LAMA2: variants seen among roughly 807,000 people sequenced by gnomAD.
LAMA2 encodes laminin subunit alpha-2.
In LAMA2, 269 loss-of-function variants were observed where a neutral mutation model predicts 364.8. The observed-to-expected ratio is 0.74, with a 90% CI of 0.67 to 0.82. The LOEUF is 0.82. Ranked by LOEUF, LAMA2 falls within the 40% of genes least tolerant of loss-of-function variation. LAMA2 has a pLI of 0.00. For missense variants in LAMA2, 3,807 were observed against 3,873.2 expected (o/e 0.98, Z 0.45); for synonymous variants, 1,379 against 1,370.6 (o/e 1.01, Z -0.14).
At chr6:129,446,820 TA>T (rs1459360456) in intron 45 of LAMA2, among the ~76,000 whole-genome samples, 1 of 151,956 alleles carries the variant, frequency 6.6e-6, no homozygotes. Context: ...CTAACACTTC[TA>T]AACAACTCCA....
intron 1 of LAMA2, among the ~76,000 whole-genome samples, chr6:128,946,782 T>C (rs1393605081): frequency 6.6e-6 from 1 of 152,228 alleles, no homozygotes; most frequent in Non-Finnish European, 1.5e-5. Context: ...AGTTGGAACA[T>C]TTCCATATTT....
At chr6:129,402,973 T>C (rs1322498541) in intron 39 of LAMA2, among the ~76,000 whole-genome samples, 3 of 152,198 alleles carry the variant, frequency 2.0e-5, no homozygotes, top group African/African-American at 7.2e-5. Flanking sequence ...TTACATTTTC[T>C]CCTGTAAAAT....
In LAMA2 at chr6:129,514,545, C is replaced by G; in HGVS notation, c.9161C>G (p.Ala3054Gly). Reference protein sequence around the residue: ...NQVEAQSPNPASTSADTNDPV... With the variant: ...NQVEAQSPNPGSTSADTNDPV... Reference sequence around the variant, plus strand: ...GTGGAAGCCCAAAGCCCAAACCCAGCATCTACATCAGCTGACACAAATGAC... The same window carrying G: ...GTGGAAGCCCAAAGCCCAAACCCAGGATCTACATCAGCTGACACAAATGAC... Residue 3054 changes from alanine to glycine, a missense_variant, in exon 64 of 65, where the codon GCA becomes GGA. Around this residue, in one of 3 missense-constraint regions of LAMA2, gnomAD observed 3,333 missense variants for 3,345.7 expected, o/e 1.00. Transcript: ENST00000421865. 1 of 1,614,180 alleles carries G rather than the reference C, an allele frequency of 6.2e-7. No individual in the cohort carries two copies. The highest frequency in any genetic ancestry group is 8.5e-7 in the Non-Finnish European group (1 of 1,180,014).
chr6:129,344,651 A>G (rs1240073337), intron 30 of LAMA2, among the ~76,000 whole-genome samples: 1 of 152,184 alleles, frequency 6.6e-6, no homozygotes, highest in African/African-American at 2.4e-5. Context: ...CAAGGCGAGT[A>G]TATAGAAAGA....
chr6:129,515,379 A>C (rs1786966890), intron 64 of LAMA2, among the ~76,000 whole-genome samples: 1 of 152,234 alleles, frequency 6.6e-6, no homozygotes, highest in Non-Finnish European at 1.5e-5. Flanking sequence ...TCCTCTTTCC[A>C]AAGTGGCTTC....
At chr6:129,200,402 G>A (rs1216751708) in intron 12 of LAMA2, among the ~76,000 whole-genome samples, 1 of 146,796 alleles carries the variant, frequency 6.8e-6, no homozygotes, top group Non-Finnish European at 1.5e-5. Flanking sequence ...GTATATACAT[G>A]TACACATATA....
At chr6:129,226,032 T>C (rs1784246873) in intron 12 of LAMA2, among the ~76,000 whole-genome samples, 1 of 152,338 alleles carries the variant, frequency 6.6e-6, no homozygotes, top group South Asian at 2.1e-4. Context: ...ATTGGGTGCA[T>C]ATATATTTAG....
At chr6:128,908,386 T>G (rs1489792652) in intron 1 of LAMA2, among the ~76,000 whole-genome samples, 20 of 150,682 alleles carry the variant, frequency 1.3e-4, no homozygotes, top group Admixed American at 8.6e-4. Flanking sequence ...GTCGAGGAAT[T>G]TATCCATTTC....
At chr6:129,387,593 GAC>G (rs1779085631) in intron 35 of LAMA2, among the ~76,000 whole-genome samples, 2 of 152,158 alleles carry the variant, frequency 1.3e-5, no homozygotes, top group African/African-American at 2.4e-5. Flanking sequence ...CTACTCTAAA[GAC>G]ACATATACAG....
intron 16 of LAMA2, 68 bp downstream of exon 16, chr6:129,267,287 C>T (rs1787592441): frequency 1.9e-6 from 2 of 1,037,934 alleles, no homozygotes. Flanking sequence ...TGCTACAATT[C>T]AGCTACTACC....
chr6:129,080,088 T>A (rs929265770), intron 3 of LAMA2, among the ~76,000 whole-genome samples: 1 of 152,320 alleles, frequency 6.6e-6, no homozygotes, highest in South Asian at 2.1e-4. Flanking sequence ...GAGTTACTAC[T>A]GGCACTTTTT....
rs1411546480 is a variant in LAMA2 at position 129,398,648 on chromosome 6, A to G, written c.5446-2576A>G. ...CACCACCACACCCAGCTAATTTTGT[A>G]TTTTTAGTAGAGACGAGGTTTCACC... On this transcript the variant is annotated intron_variant, in intron 37 of 64. Transcript: ENST00000421865. Among the ~76,000 whole-genome samples, 4 of 151,000 alleles carry G rather than the reference A, an allele frequency of 2.6e-5. No homozygotes were observed. In the East Asian group the frequency reaches 7.8e-4, roughly 29 times the overall value.
intron 8 of LAMA2, among the ~76,000 whole-genome samples, chr6:129,162,018 G>GTAA (rs1779470207): frequency 6.6e-6 from 1 of 152,170 alleles, no homozygotes; most frequent in Non-Finnish European, 1.5e-5. Flanking sequence ...CATATACGCA[G>GTAA]TAATGGGATT....
At chr6:129,440,143 A>G (rs1040316472) in intron 42 of LAMA2, among the ~76,000 whole-genome samples, 4 of 152,138 alleles carry the variant, frequency 2.6e-5, no homozygotes. Context: ...TTCAGAGCCT[A>G]TGATCTTAAC....
At chr6:129,065,325 G>C (rs1171538282) in intron 3 of LAMA2, among the ~76,000 whole-genome samples, 1 of 152,068 alleles carries the variant, frequency 6.6e-6, no homozygotes, top group African/African-American at 2.4e-5. Context: ...AAGCTGAAAG[G>C]TTTTTCTCTA....
chr6:129,100,185 G>A (rs1319906710), intron 4 of LAMA2, among the ~76,000 whole-genome samples: 1 of 152,104 alleles, frequency 6.6e-6, no homozygotes, highest in Non-Finnish European at 1.5e-5. Flanking sequence ...CTTAAACCAA[G>A]TCAGCCTGCC....
At chr6:128,904,097 A>G (rs891025825) in intron 1 of LAMA2, among the ~76,000 whole-genome samples, 3 of 152,164 alleles carry the variant, frequency 2.0e-5, no homozygotes. Context: ...CAGGACATAT[A>G]TACACTTTGA....
intron 1 of LAMA2, among the ~76,000 whole-genome samples, chr6:129,046,985 G>A (rs4392741): frequency 0.33 from 50,318 of 152,010 alleles, 9,718 homozygotes; most frequent in African/African-American, 0.54. Context: ...TAGTTGTACC[G>A]TTAAATGCAA....
intron 31 of LAMA2, among the ~76,000 whole-genome samples, chr6:129,351,297 T>G (rs941878466): frequency 6.6e-6 from 1 of 152,204 alleles, no homozygotes; most frequent in African/African-American, 2.4e-5. Context: ...AATTATTGTG[T>G]TAAAGCAGAA....
Sources: allele counts gnomAD v4.1 joint callset (sites outside exome capture counted in the v4.1 genomes callset), GRCh38; gene constraint gnomAD v4.1.1; regional missense constraint gnomAD v4.1.1; transcripts MANE v1.5; gene names NCBI Gene and HGNC (gene_info 2026-07-23, HGNC 2026-07-21).